The following SMIM17 variants were observed in gnomAD, a reference collection of about 807,000 sequenced individuals.
The protein encoded by SMIM17 is small integral membrane protein 17.
SMIM17 carries 10 observed loss-of-function variants against 12.2 expected under a neutral mutation model. The observed-to-expected ratio is 0.82, with a 90% CI of 0.50 to 1.39. The LOEUF (loss-of-function observed/expected upper bound fraction) is 1.39. Ranked by LOEUF, SMIM17 falls within the 40% of genes most tolerant of loss-of-function variation. The pLI is 0.00. For synonymous variants in SMIM17, 50 were observed against 44.1 expected (o/e 1.13, Z -0.53); for missense variants, 136 against 118.2 (o/e 1.15, Z -0.70).
chr19:56,643,621 C>A (rs750211539), intron 1 of SMIM17, among the ~76,000 whole-genome samples: 3 of 152,128 alleles, frequency 2.0e-5, no homozygotes, highest in Non-Finnish European at 4.4e-5. Context: ...CGAGTGTGCA[C>A]CTGTGCGTGT....
chr19:56,648,211 C>A (rs112197792), intron 3 of SMIM17, among the ~76,000 whole-genome samples: 28 of 147,682 alleles, frequency 1.9e-4, no homozygotes, highest in African/African-American at 6.3e-4. Context: ...CCTCAGCTGT[C>A]TATCCACTTT....
intron 3 of SMIM17, among the ~76,000 whole-genome samples, chr19:56,650,692 C>A (rs991608018): frequency 2.0e-5 from 3 of 152,092 alleles, no homozygotes; most frequent in African/African-American, 7.2e-5. Context: ...AGGATAGGAG[C>A]GAATGGGACC....
chr19:56,656,293 ATAT>A lies in SMIM17; in HGVS notation c.*1086_*1088del, dbSNP rs1305538261. Among the ~76,000 whole-genome samples the A allele has an allele frequency of 2.0e-5, 3 of 152,066 alleles. No homozygotes were observed. The highest frequency in any genetic ancestry group is 7.2e-5 in the African/African-American group (3 of 41,424). ...ATTCTTCATTCCATAGAGCTTTTTC[ATAT>A]TATTAGCTTAATTATGCATAATGTT... is the stretch of plus-strand genomic sequence containing the variant. On this transcript the variant is annotated 3_prime_UTR_variant, in exon 4 of 4. Transcript: ENST00000598409.
At chr19:56,654,576 T>C (rs920729331) in intron 3 of SMIM17, among the ~76,000 whole-genome samples, 3 of 152,070 alleles carry the variant, frequency 2.0e-5, no homozygotes, top group Non-Finnish European at 4.4e-5. Flanking sequence ...TGAATGTGGG[T>C]GGTGTCAGAA....
chr19:56,644,657 C>A (rs2045048185), intron 1 of SMIM17, among the ~76,000 whole-genome samples: 1 of 152,210 alleles, frequency 6.6e-6, no homozygotes, highest in African/African-American at 2.4e-5. Context: ...CGTCTCTCCC[C>A]ATGCCATATA....
At chr19:56,645,965 C>T in intron 2 of SMIM17, 129 bp downstream of exon 2, 1 of 1,077,446 alleles carries the variant, frequency 9.3e-7, no homozygotes, top group Non-Finnish European at 1.3e-6. Context: ...CTGTGTCAGT[C>T]AGCTTTTGCT....
intron 3 of SMIM17, among the ~76,000 whole-genome samples, chr19:56,649,984 CG>C (rs1308722814): frequency 2.6e-5 from 4 of 151,814 alleles, no homozygotes; most frequent in African/African-American, 9.7e-5. Context: ...CGAAGGTGTT[CG>C]GGGACTTACA....
chr19:56,646,569 C>T (rs1025307712), intron 2 of SMIM17, among the ~76,000 whole-genome samples: 3 of 152,004 alleles, frequency 2.0e-5, no homozygotes, highest in South Asian at 2.1e-4. Context: ...CTCCAAATGC[C>T]GATAGTGCCA....
intron 2 of SMIM17, 103 bp from the exon 3 acceptor site, chr19:56,647,455 G>GAGT: frequency 2.9e-6 from 2 of 683,516 alleles, no homozygotes; most frequent in Non-Finnish European, 4.8e-6. Flanking sequence ...GAGAGAGGAG[G>GAGT]CTATTACTAG....
chr19:56,646,930 T>C (rs1427364590), intron 2 of SMIM17, among the ~76,000 whole-genome samples: 1 of 152,136 alleles, frequency 6.6e-6, no homozygotes, highest in Non-Finnish European at 1.5e-5. Flanking sequence ...TGAGCAGGGC[T>C]GGGACAGAAG....
At chr19:56,647,848 A>G (rs2045076296) in intron 3 of SMIM17, among the ~76,000 whole-genome samples, 1 of 151,974 alleles carries the variant, frequency 6.6e-6, no homozygotes, top group African/African-American at 2.4e-5. Flanking sequence ...CACTTCCTTC[A>G]TAAATCCATC....
intron 2 of SMIM17, among the ~76,000 whole-genome samples, chr19:56,646,315 G>A (rs76651737): frequency 4.9e-4 from 74 of 152,256 alleles, no homozygotes; most frequent in African/African-American, 1.4e-3. Flanking sequence ...GATTTGAAGA[G>A]GAAAAACACA....
In SMIM17 at chr19:56,645,809, G is replaced by A. The variant is rs1048684831; in HGVS notation, c.142G>A (p.Ala48Thr). The change falls in exon 2 of 4, where the codon GCC becomes ACC. Residue 48 changes from alanine (A) to threonine (T), a missense_variant. Ala to Thr is a moderately conservative substitution (Grantham distance 58). Coordinates refer to ENST00000598409, the MANE Select transcript of SMIM17 (RefSeq NM_001193628.2). Reference protein sequence around the residue: ...TKDWEAVEVGASSHDSDEKDL... With the variant: ...TKDWEAVEVGTSSHDSDEKDL... Reference sequence around the variant, plus strand: ...AGACTGGGAGGCTGTGGAGGTTGGGGCCTCCAGCCATGACAGTGATGAGAA... The same window carrying A: ...AGACTGGGAGGCTGTGGAGGTTGGGACCTCCAGCCATGACAGTGATGAGAA... 6.5e-7 allele frequency: 1 copy of A among 1,535,422 alleles called. No homozygotes were observed. Among genetic ancestry groups the A allele is most frequent in the Non-Finnish European group, 8.7e-7 (1 of 1,146,616 alleles).
intron 1 of SMIM17, 96 bp downstream of exon 1, chr19:56,643,306 A>T (rs1271006997): frequency 6.5e-6 from 1 of 153,482 alleles, no homozygotes; most frequent in Non-Finnish European, 1.5e-5. Flanking sequence ...GCGAGTATGG[A>T]TGCGCAGAGG....
rs537043171 is a variant in SMIM17, at chr19:56,645,117, G to A, written c.-100-451G>A. ...GGTGTGTATATGAGTATGTGAGTGT[G>A]TATGTGTGTGAGTATGAATGTGAGT... On this transcript the variant is annotated intron_variant, in intron 1 of 3. Transcript: ENST00000598409. Among the ~76,000 whole-genome samples, 760 of 149,240 alleles carry A rather than the reference G, an allele frequency of 5.1e-3. 5 individuals are homozygous for A. The highest frequency in any genetic ancestry group is 7.5e-3 in the Non-Finnish European group (499 of 66,418).
intron 3 of SMIM17, among the ~76,000 whole-genome samples, chr19:56,648,363 TC>T (rs2045083084): frequency 8.1e-6 from 1 of 123,674 alleles, no homozygotes. Flanking sequence ...CCCTTATGCA[TC>T]CATATACCCA....
chr19:56,645,019 TATTA>T (rs1217138725), intron 1 of SMIM17, among the ~76,000 whole-genome samples: 1 of 152,214 alleles, frequency 6.6e-6, no homozygotes, highest in Non-Finnish European at 1.5e-5. Context: ...CTGATTTATT[TATTA>T]ATTCATGTCG....
rs757993069 is a variant in SMIM17, at chr19:56,645,695, C to T, written c.28C>T (p.Arg10Trp). MQSLRPEQT[R>W]GLLEPERTKT... ...GCAGAGTCTCAGGCCTGAGCAGACA[C>T]GGGGGCTGCTGGAGCCTGAGAGGAC... The change falls in exon 2 of 4, where the codon CGG becomes TGG. Residue 10 changes from arginine (R) to tryptophan (W), a missense_variant. By Grantham distance (101) the Arg-to-Trp change is moderately radical (BLOSUM62 -3). Transcript: ENST00000598409. 21 of 1,534,156 alleles carry T rather than the reference C, an allele frequency of 1.4e-5. No individual in the cohort carries two copies. In the South Asian group the frequency reaches 1.4e-4, roughly 10 times the overall value.
rs535307173 is a variant in SMIM17, at chr19:56,654,681, T to A, written c.247-422T>A. ...AGGAGCTTTTTTTTGTGGGGGACATTACAATATTTGTTTGGGGACATGTGA... is the reference window on the plus strand; with the variant it reads ...AGGAGCTTTTTTTTGTGGGGGACATAACAATATTTGTTTGGGGACATGTGA... On this transcript the variant is annotated intron_variant, in intron 3 of 3. Coordinates refer to ENST00000598409, the MANE Select transcript of SMIM17 (RefSeq NM_001193628.2). Among the ~76,000 whole-genome samples, 426 of 152,244 alleles carry A rather than the reference T, an allele frequency of 2.8e-3. 4 individuals carry two copies. The highest frequency in any genetic ancestry group is 9.7e-3 in the African/African-American group (402 of 41,524).
Sources: gnomAD v4.1 joint callset for allele counts (sites outside exome capture counted in the v4.1 genomes callset) on GRCh38, gnomAD v4.1.1 for gene constraint, MANE v1.5 for transcripts, NCBI Gene and HGNC (gene_info 2026-07-23, HGNC 2026-07-21) for gene names.